The following BBX variants were observed in gnomAD, a reference collection of about 807,000 sequenced individuals.
BBX encodes HMG box transcription factor BBX.
A neutral mutation model predicts 100.2 loss-of-function variants in BBX; 30 were observed. The ratio of observed to expected loss-of-function variants is 0.30; its 90% CI spans 0.22 to 0.41. The LOEUF is 0.41. Among genes scored for constraint, BBX ranks in the 10% least tolerant of loss-of-function variants. BBX has a pLI of 1.00. For missense variants in BBX, 1,023 were observed against 1,129.8 expected, an observed-to-expected ratio of 0.91 and a Z score of 1.35; for synonymous variants, 376 against 388.1, an observed-to-expected ratio of 0.97 and a Z score of 0.37.
intron 2 of BBX, among the ~76,000 whole-genome samples, chr3:107,615,729 T>C (rs59861588): frequency 6.6e-6 from 1 of 152,334 alleles, no homozygotes; most frequent in East Asian, 1.9e-4. Context: ...TATGTTTCAA[T>C]GATCGAGCTT....
chr3:107,531,046 T>G (rs2048126331), intron 2 of BBX, among the ~76,000 whole-genome samples: 1 of 152,226 alleles, frequency 6.6e-6, no homozygotes, highest in Admixed American at 6.5e-5. Flanking sequence ...TTTTAGCACA[T>G]GTAGCAGGTG....
At chr3:107,555,617 C>T (rs1033359922) in intron 2 of BBX, among the ~76,000 whole-genome samples, 20 of 152,144 alleles carry the variant, frequency 1.3e-4, no homozygotes, top group East Asian at 3.9e-4. Context: ...ATGTATCCCT[C>T]GGTTAGAAAG....
At chr3:107,642,081 A>C (rs539516531) in intron 2 of BBX, among the ~76,000 whole-genome samples, 1 of 152,196 alleles carries the variant, frequency 6.6e-6, no homozygotes, top group Non-Finnish European at 1.5e-5. Flanking sequence ...TGAGGCATGG[A>C]ATTAATTGGC....
chr3:107,772,873 A>G lies in BBX; in HGVS notation c.1152A>G (p.Ile384Met). ...TGCAAATAGATGACATAATGGCTAT[A>G]AAAATGGAAGATCCCAAAGAAATTA... is the stretch of plus-strand genomic sequence containing the variant. ...EALQIDDIMA[I>M]KMEDPKEIRK... Residue 384 changes from isoleucine to methionine, a missense_variant, in exon 11 of 18, where the codon ATA becomes ATG. By Grantham distance (10) the Ile-to-Met change is conservative. Around this residue, in one of 9 missense-constraint regions of BBX, gnomAD observed 348 missense variants for 353.2 expected, o/e 0.99. Coordinates refer to ENST00000325805, the MANE Select transcript of BBX (RefSeq NM_001142568.3). 6.2e-7 allele frequency: 1 copy of G among 1,612,978 alleles called. No individual in the cohort carries two copies. Among genetic ancestry groups the G allele is most frequent in the Non-Finnish European group, 8.5e-7 (1 of 1,179,778 alleles).
intron 2 of BBX, among the ~76,000 whole-genome samples, chr3:107,540,651 G>A (rs2048803005): frequency 6.6e-6 from 1 of 152,164 alleles, no homozygotes; most frequent in Admixed American, 6.5e-5. Context: ...ATCACATTAT[G>A]TGTATATTTA....
At chr3:107,741,319 C>A (rs1244166351) in intron 7 of BBX, among the ~76,000 whole-genome samples, 2 of 151,904 alleles carry the variant, frequency 1.3e-5, no homozygotes, top group African/African-American at 4.8e-5. Flanking sequence ...GTGAATTGCT[C>A]CTGTGAAAAA....
intron 7 of BBX, among the ~76,000 whole-genome samples, chr3:107,737,291 G>A: frequency 1.0e-5 from 1 of 98,678 alleles, no homozygotes; most frequent in African/African-American, 3.8e-5. Context: ...CCAGCAACAT[G>A]CATACATACA....
At chr3:107,715,044 A>G (rs1221095181) in intron 4 of BBX, among the ~76,000 whole-genome samples, 1 of 152,182 alleles carries the variant, frequency 6.6e-6, no homozygotes, top group East Asian at 1.9e-4. Flanking sequence ...TTGGCCTCCC[A>G]AAGTGCTGGG....
chr3:107,737,365 C>T (rs747382995), intron 7 of BBX, among the ~76,000 whole-genome samples: 4 of 151,124 alleles, frequency 2.6e-5, no homozygotes, highest in Admixed American at 6.6e-5. Context: ...CAGAAATTAC[C>T]GTTGTAATTT....
At chr3:107,556,928 GT>G (rs1223892689) in intron 2 of BBX, among the ~76,000 whole-genome samples, 2 of 152,122 alleles carry the variant, frequency 1.3e-5, no homozygotes, top group African/African-American at 2.4e-5. Flanking sequence ...CAGAGCTCAG[GT>G]TTGTTGAAGT....
At position 107,545,125 on chromosome 3, in the gene BBX, T is replaced by C. The variant is rs2049139755; in HGVS notation, c.-84+18727T>C. ...AAAAGTCTTTACATTCTGTTACATA[T>C]CTCTTGGCCCAACCAATTTAATGTA... On this transcript the variant is annotated intron_variant, in intron 2 of 17. Transcript: ENST00000325805. Among the ~76,000 whole-genome samples, 3 of 152,230 alleles carry C rather than the reference T, an allele frequency of 2.0e-5. No homozygotes were observed. The South Asian group carries it at 6.2e-4, about 32-fold the overall frequency.
At chr3:107,525,932 A>G (rs1017107815) in intron 1 of BBX, among the ~76,000 whole-genome samples, 2 of 152,184 alleles carry the variant, frequency 1.3e-5, no homozygotes, top group Admixed American at 6.5e-5. Context: ...CGGGCTGCCT[A>G]TCGATCCCTA....
At chr3:107,553,046 T>G (rs755695770) in intron 2 of BBX, among the ~76,000 whole-genome samples, 1 of 152,242 alleles carries the variant, frequency 6.6e-6, no homozygotes, top group Non-Finnish European at 1.5e-5. Context: ...AACAGTGATC[T>G]CAGGGTGCTA....
chr3:107,603,186 G>A (rs748877458), intron 2 of BBX, among the ~76,000 whole-genome samples: 3 of 151,944 alleles, frequency 2.0e-5, no homozygotes, highest in South Asian at 2.1e-4. Flanking sequence ...GGATGGTCTC[G>A]ATCTCTTGAC....
intron 2 of BBX, among the ~76,000 whole-genome samples, chr3:107,547,880 C>A (rs868656043): frequency 1.2e-4 from 19 of 152,214 alleles, no homozygotes; most frequent in African/African-American, 3.9e-4. Context: ...TGGAATCACA[C>A]AGGAGGGCCA....
intron 2 of BBX, among the ~76,000 whole-genome samples, chr3:107,612,175 T>C (rs1268926449): frequency 1.3e-5 from 2 of 149,064 alleles, no homozygotes; most frequent in African/African-American, 2.4e-5. Flanking sequence ...TTTTGAATTC[T>C]GTCTGAAAGG....
intron 3 of BBX, among the ~76,000 whole-genome samples, chr3:107,668,239 G>C (rs2058847410): frequency 6.6e-6 from 1 of 152,136 alleles, no homozygotes; most frequent in African/African-American, 2.4e-5. Context: ...TCTTAACTCA[G>C]AATCTGTGTG....
At chr3:107,761,921 A>G (rs936276577) in intron 10 of BBX, among the ~76,000 whole-genome samples, 4 of 152,116 alleles carry the variant, frequency 2.6e-5, no homozygotes, top group African/African-American at 9.7e-5. Context: ...ATTGATGTGC[A>G]TTATCCCTTC....
intron 2 of BBX, among the ~76,000 whole-genome samples, chr3:107,580,129 G>A (rs957146465): frequency 6.6e-5 from 10 of 151,782 alleles, no homozygotes; most frequent in Non-Finnish European, 1.0e-4. Flanking sequence ...CAGTTAATTG[G>A]GTCTAGTTCA....
Sources: gnomAD v4.1 joint callset for allele counts (sites outside exome capture counted in the v4.1 genomes callset) on GRCh38, gnomAD v4.1.1 for gene constraint, gnomAD v4.1.1 regional missense constraint, MANE v1.5 for transcripts, NCBI Gene and HGNC (gene_info 2026-07-23, HGNC 2026-07-21) for gene names.